Variants in KMT2C observed in about 807,000 individuals in gnomAD.
The protein encoded by KMT2C is lysine methyltransferase 2C, also known as histone-lysine N-methyltransferase 2C.
KMT2C carries 88 observed loss-of-function variants against 507.9 expected under a neutral mutation model. That is an observed-to-expected ratio of 0.17 (90% confidence interval 0.15 to 0.21). The LOEUF (loss-of-function observed/expected upper bound fraction) is 0.21. Ranked by LOEUF, KMT2C falls within the 10% of genes least tolerant of loss-of-function variation. KMT2C has a pLI of 1.00. For missense variants in KMT2C, 4,954 were observed against 5,957.8 expected, an observed-to-expected ratio of 0.83 and a Z score of 5.55; for synonymous variants, 2,049 against 2,080.8, an observed-to-expected ratio of 0.98 and a Z score of 0.42.
intron 18 of KMT2C, among the ~76,000 whole-genome samples, chr7:152,228,869 C>G (rs780309567): frequency 6.6e-6 from 1 of 152,066 alleles, no homozygotes; most frequent in Non-Finnish European, 1.5e-5. Flanking sequence ...ATACCATGAG[C>G]AACTAATTTT....
chr7:152,304,241 C>A (rs1209890574), intron 6 of KMT2C, among the ~76,000 whole-genome samples: 1 of 151,996 alleles, frequency 6.6e-6, no homozygotes, highest in Admixed American at 6.6e-5. Flanking sequence ...CAGGTTCTCC[C>A]CAAAAGTAAA....
In KMT2C at chr7:152,330,646, T is replaced by C. The variant is rs1770564708; in HGVS notation, c.344A>G (p.Glu115Gly). 1 of 1,614,076 alleles carries C rather than the reference T, an allele frequency of 6.2e-7. No homozygotes were observed. The change falls in exon 3 of 59, where the codon GAA becomes GGA. Residue 115 changes from glutamate to glycine, a missense_variant. Physicochemically the swap from Glu to Gly is moderately conservative, Grantham distance 98. Around this residue, in one of 29 missense-constraint regions of KMT2C, gnomAD observed 233 missense variants for 263.6 expected, o/e 0.88. Coordinates refer to ENST00000262189, the MANE Select transcript of KMT2C (RefSeq NM_170606.3). Reference sequence around the variant, plus strand: ...AACAGAGACCAGGGAGTTTGCCGATTCCTCAGACACAGATCGCTGAAGAGT... The same window carrying C: ...AACAGAGACCAGGGAGTTTGCCGATCCCTCAGACACAGATCGCTGAAGAGT... ...IPTLQRSVSE[E>G]SANSLVSVGV...
At chr7:152,153,479 A>G (rs1323308798) in intron 48 of KMT2C, among the ~76,000 whole-genome samples, 1 of 152,264 alleles carries the variant, frequency 6.6e-6, no homozygotes, top group Non-Finnish European at 1.5e-5. Context: ...TGCTACTTGA[A>G]GAACATTTCT....
Position 152,174,234 on chromosome 7 carries a change from C to T in KMT2C, c.9271G>A (p.Ala3091Thr), listed in dbSNP as rs2129110928. Residue 3091 changes from alanine to threonine, a missense_variant, in exon 39 of 59, where the codon GCA becomes ACA. Ala to Thr is a moderately conservative substitution (Grantham distance 58). This residue lies in a region of KMT2C where 1,689 missense variants were observed against 1,654.3 expected (regional missense o/e 1.02). Transcript: ENST00000262189. Reference sequence around the variant, plus strand: ...GCTTTCATTATAGGATCTGTAATTGCATCAAAATCTAGAAAAGAAATATAA... The same window carrying T: ...GCTTTCATTATAGGATCTGTAATTGTATCAAAATCTAGAAAAGAAATATAA... ...EPFFPNIDFDAITDPIMKAKM... is the reference protein window; with the variant it reads ...EPFFPNIDFDTITDPIMKAKM... 1.3e-6 allele frequency: 2 copies of T among 1,528,204 alleles called. No individual in the cohort carries two copies. The highest frequency in any genetic ancestry group is 1.8e-6 in the Non-Finnish European group (2 of 1,109,596). 94.7% of individuals were successfully genotyped at this position (1,528,204 alleles called of 1,614,324 possible). A position where few individuals can be genotyped will look rare whatever the true frequency, so the allele number is the denominator to read the frequency against.
intron 18 of KMT2C, among the ~76,000 whole-genome samples, chr7:152,228,827 T>C (rs2095018601): frequency 6.6e-6 from 1 of 152,200 alleles, no homozygotes; most frequent in Admixed American, 6.5e-5. Context: ...TATTTTTTAA[T>C]TGGCTTTATA....
In KMT2C at chr7:152,174,416, T is replaced by G. The variant is rs144949383; in HGVS notation, c.9263-174A>C. On this transcript the variant is annotated intron_variant, in intron 38 of 58. Coordinates refer to ENST00000262189, the MANE Select transcript of KMT2C (RefSeq NM_170606.3). ...ATCTCAGTAGTCCTTAACTGAATCA[T>G]GCTTTAATACCTTAGTCCTGCAGGA... Among the ~76,000 whole-genome samples the G allele has an allele frequency of 1.8e-4, 28 of 152,358 alleles. No individual in the cohort carries two copies. In the East Asian group the frequency reaches 5.4e-3, roughly 29 times the overall value.
At chr7:152,150,833 C>A in intron 51 of KMT2C, 67 bp downstream of exon 51, 1 of 1,077,682 alleles carries the variant, frequency 9.3e-7, no homozygotes, top group South Asian at 1.3e-5. Flanking sequence ...TTATTCACTC[C>A]CATATGCCCA....
Position 152,148,775 on chromosome 7 carries a change from C to T in KMT2C, c.13152G>A (p.Lys4384=). The change falls in exon 52 of 59, where the codon AAG becomes AAA. Residue 4384 remains lysine, a synonymous_variant. Transcript: ENST00000262189. This position sits in a 1 kb window ranked among gnomAD's most constrained non-coding sequence, Gnocchi z 7.1. ...CAGGTTTAAGGGAAGTGCCCAATTT[C>T]TTTAGAAATTCATCTATTTCATCCT... ...PCEDEIDEFL[K]KLGTSLKPDP... The T allele has an allele frequency of 1.9e-6, 3 of 1,614,230 alleles. No homozygotes were observed. Among genetic ancestry groups the T allele is most frequent in the Non-Finnish European group, 2.5e-6 (3 of 1,180,032 alleles).
intron 9 of KMT2C, among the ~76,000 whole-genome samples, chr7:152,255,360 T>G (rs967354780): frequency 2.6e-5 from 4 of 151,552 alleles, no homozygotes. Flanking sequence ...GAGAGGCAGT[T>G]TCACCATATT....
rs542732926 is a variant in KMT2C, at chr7:152,213,389, T to C, written c.3713-5961A>G. ...AGACACATGGATCAATGGAACTGAATACAGAGCCCAAAAATAAACCCAAGC... is the reference window on the plus strand; with the variant it reads ...AGACACATGGATCAATGGAACTGAACACAGAGCCCAAAAATAAACCCAAGC... On this transcript the variant is annotated intron_variant, in intron 23 of 58. Coordinates refer to ENST00000262189, the MANE Select transcript of KMT2C (RefSeq NM_170606.3). Among the ~76,000 whole-genome samples the C allele has an allele frequency of 1.7e-3, 257 of 152,272 alleles. 3 individuals are homozygous for C. Among genetic ancestry groups the C allele is most frequent in the Middle Eastern group, 0.014 (4 of 294 alleles).
intron 1 of KMT2C, among the ~76,000 whole-genome samples, chr7:152,434,478 C>T (rs2097896898): frequency 1.3e-5 from 2 of 152,176 alleles, no homozygotes; most frequent in Non-Finnish European, 2.9e-5. Flanking sequence ...AACAACAATA[C>T]TATTACTAAG....
chr7:152,162,909 A>T lies in KMT2C; in HGVS notation c.10668T>A (p.Ala3556=). ...QSPVRPSFTP[A]LPAAPPVANS... ...TAGCTACTGGAGGTGCTGCTGGTAAAGCAGGTGTAAAAGAAGGCCTCACTG... is the reference window on the plus strand; with the variant it reads ...TAGCTACTGGAGGTGCTGCTGGTAATGCAGGTGTAAAAGAAGGCCTCACTG... Residue 3556 remains alanine (A), a synonymous_variant, in exon 43 of 59, where the codon GCT becomes GCA. Coordinates refer to ENST00000262189, the MANE Select transcript of KMT2C (RefSeq NM_170606.3). The T allele has an allele frequency of 6.2e-7, 1 of 1,614,156 alleles. No individual in the cohort carries two copies. The highest frequency in any genetic ancestry group is 8.5e-7 in the Non-Finnish European group (1 of 1,180,028).
intron 1 of KMT2C, among the ~76,000 whole-genome samples, chr7:152,396,716 G>A (rs1040914593): frequency 1.3e-5 from 2 of 152,188 alleles, no homozygotes; most frequent in African/African-American, 4.8e-5. Flanking sequence ...TTTCAGAAAT[G>A]TAGGCCCTGC....
chr7:152,311,439 T>C (rs972078501), intron 5 of KMT2C, among the ~76,000 whole-genome samples: 1 of 152,184 alleles, frequency 6.6e-6, no homozygotes, highest in Non-Finnish European at 1.5e-5. Flanking sequence ...AGACCTATTT[T>C]CATTCATGCC....
intron 1 of KMT2C, among the ~76,000 whole-genome samples, chr7:152,421,025 AAT>A (rs901579651): frequency 6.6e-5 from 10 of 152,068 alleles, no homozygotes; most frequent in East Asian, 3.9e-4. Flanking sequence ...ATAATAAAAA[AAT>A]AGTTTATAAT....
chr7:152,237,658 C>T (rs2095304832), intron 15 of KMT2C, among the ~76,000 whole-genome samples: 1 of 151,908 alleles, frequency 6.6e-6, no homozygotes, highest in South Asian at 2.1e-4. Flanking sequence ...CCACCACACC[C>T]GGCTAAATTT....
chr7:152,210,552 T>TA (rs374107363), intron 23 of KMT2C, among the ~76,000 whole-genome samples: 124 of 151,160 alleles, frequency 8.2e-4, no homozygotes, highest in East Asian at 1.7e-3. Flanking sequence ...TTTTTTTTTT[T>TA]AAAAAAGCTC....
At chr7:152,332,773 G>A (rs1040595772) in intron 2 of KMT2C, among the ~76,000 whole-genome samples, 1 of 151,752 alleles carries the variant, frequency 6.6e-6, no homozygotes, top group Non-Finnish European at 1.5e-5. Context: ...GCTTAAACCT[G>A]GGAGATGGAA....
intron 1 of KMT2C, among the ~76,000 whole-genome samples, chr7:152,374,742 T>C: frequency 6.6e-6 from 1 of 151,728 alleles, no homozygotes; most frequent in East Asian, 1.9e-4. Flanking sequence ...CTACTAAAAA[T>C]ACAAAAATTA....
Sources: gnomAD v4.1 joint callset for allele counts (sites outside exome capture counted in the v4.1 genomes callset) on GRCh38, gnomAD v4.1.1 for gene constraint, gnomAD v4.1.1 regional missense constraint, Gnocchi (gnomAD v3.1) non-coding constraint, MANE v1.5 for transcripts, NCBI Gene and HGNC (gene_info 2026-07-23, HGNC 2026-07-21) for gene names.